The following MECOM variants were observed in gnomAD, a reference collection of about 807,000 sequenced individuals.
MECOM encodes histone-lysine N-methyltransferase MECOM.
Under a neutral mutation model 116.3 loss-of-function variants are expected in MECOM, and 13 were observed. The ratio of observed to expected loss-of-function variants is 0.11; its 90% confidence interval spans 0.07 to 0.18. The LOEUF (loss-of-function observed/expected upper bound fraction) is 0.18. Among genes scored for constraint, MECOM ranks in the 10% least tolerant of loss-of-function variants. The pLI, the probability that MECOM is intolerant of heterozygous loss-of-function variation, is 1.00. For synonymous variants in MECOM, 528 were observed against 535.2 expected (o/e 0.99, Z 0.19); for missense variants, 1,299 against 1,509.0 (o/e 0.86, Z 2.31).
intron 2 of MECOM, among the ~76,000 whole-genome samples, chr3:169,300,687 C>T (rs2149712093): frequency 6.6e-6 from 1 of 152,310 alleles, no homozygotes; most frequent in Admixed American, 6.5e-5. Context: ...GATCTCACTT[C>T]TTGCTATCTT....
intron 3 of MECOM, among the ~76,000 whole-genome samples, chr3:169,139,013 A>T (rs932042213): frequency 2.0e-5 from 3 of 152,104 alleles, no homozygotes; most frequent in African/African-American, 7.2e-5. Context: ...GAAGCAGTTA[A>T]AACTTTATAA....
At chr3:169,577,476 T>TTTA (rs930298612) in intron 1 of MECOM, among the ~76,000 whole-genome samples, 1 of 150,310 alleles carries the variant, frequency 6.7e-6, no homozygotes, top group African/African-American at 2.4e-5. Flanking sequence ...AAGTTGCCTT[T>TTTA]TTTTTTTTTT....
At chr3:169,661,062 G>A (rs1033838254) in intron 1 of MECOM, among the ~76,000 whole-genome samples, 2 of 152,212 alleles carry the variant, frequency 1.3e-5, no homozygotes, top group African/African-American at 4.8e-5. Context: ...ACGAGGCTCA[G>A]TTTCTGGATG....
intron 2 of MECOM, among the ~76,000 whole-genome samples, chr3:169,209,761 G>A (rs529598578): frequency 6.6e-6 from 1 of 152,336 alleles, no homozygotes; most frequent in African/African-American, 2.4e-5. Context: ...TGGTGGGAAT[G>A]TAAATTAGTG....
intron 3 of MECOM, among the ~76,000 whole-genome samples, chr3:169,143,480 G>C (rs938588965): frequency 6.6e-6 from 1 of 152,028 alleles, no homozygotes; most frequent in Non-Finnish European, 1.5e-5. Context: ...ATTTATGAAG[G>C]ATACTAGTAC....
Position 169,127,259 on chromosome 3 carries a change from G to A in MECOM, c.830+585C>T, listed in dbSNP as rs553814996. 2.2e-4 allele frequency among the ~76,000 whole-genome samples: 33 copies of A among 152,140 alleles called. No homozygotes were observed. The South Asian group carries it at 3.1e-3, about 14-fold the overall frequency. ...ATGTCACTGAAATATAATTTTTATT[G>A]TGTTAAAAATAAGTGTTAAAGAATT... On this transcript the variant is annotated intron_variant, in intron 5 of 16. Transcript: ENST00000651503.
chr3:169,283,362 A>T (rs1304494442), intron 2 of MECOM, among the ~76,000 whole-genome samples: 2 of 151,870 alleles, frequency 1.3e-5, no homozygotes, highest in Non-Finnish European at 2.9e-5. Context: ...AATTAACTGG[A>T]TGTGGCAGCA....
intron 2 of MECOM, among the ~76,000 whole-genome samples, chr3:169,275,771 A>G (rs2149667559): frequency 6.6e-6 from 1 of 152,322 alleles, no homozygotes; most frequent in African/African-American, 2.4e-5. Context: ...TGGACACAAT[A>G]CCAGTTCTCA....
chr3:169,655,282 C>T (rs943283577), intron 1 of MECOM, among the ~76,000 whole-genome samples: 2 of 152,134 alleles, frequency 1.3e-5, no homozygotes, highest in Non-Finnish European at 1.5e-5. Flanking sequence ...TAGGAGAGAG[C>T]TTAAGGCTTA....
intron 3 of MECOM, 36 bp from the exon 4 acceptor site, chr3:169,131,567 A>G: frequency 6.6e-7 from 1 of 1,523,264 alleles, no homozygotes; most frequent in Non-Finnish European, 9.0e-7. Flanking sequence ...GGAATCAGGA[A>G]AGAGAGAGAT....
At chr3:169,338,982 G>T (rs763661591) in intron 2 of MECOM, among the ~76,000 whole-genome samples, 5 of 151,918 alleles carry the variant, frequency 3.3e-5, no homozygotes, top group Non-Finnish European at 5.9e-5. Flanking sequence ...TGTTTTTATG[G>T]CACTATGAGA....
chr3:169,305,553 C>G (rs1458412392), intron 2 of MECOM, among the ~76,000 whole-genome samples: 2 of 152,138 alleles, frequency 1.3e-5, no homozygotes, highest in Non-Finnish European at 2.9e-5. Context: ...CCAGGGCTTC[C>G]AAGATAATGG....
At chr3:169,128,912 T>A (rs928862583) in intron 4 of MECOM, among the ~76,000 whole-genome samples, 1 of 152,158 alleles carries the variant, frequency 6.6e-6, no homozygotes, top group Non-Finnish European at 1.5e-5. Context: ...AAAGCCACAC[T>A]CCGCACAGAT....
In MECOM at chr3:169,127,901, T is replaced by C. The variant is rs1733432186; in HGVS notation, c.773A>G (p.Glu258Gly). The stretch of plus-strand genomic sequence containing the variant: ...CTTACACTCCTGGATCGTGTGTATC[T>C]CTTGGAGATCATTCTCGCTTTCGAG... Reference protein sequence around the residue: ...QKLESENDLQEIHTIQECKEC... With the variant: ...QKLESENDLQGIHTIQECKEC... The change falls in exon 5 of 17, where the codon GAG (glutamate) becomes GGG (glycine). Residue 258 changes from glutamate to glycine, a missense_variant. By Grantham distance (98) the Glu-to-Gly change is moderately conservative. This residue lies in a region of MECOM where 374 missense variants were observed against 433.4 expected (regional missense o/e 0.86). Coordinates refer to ENST00000651503, the MANE Select transcript of MECOM (RefSeq NM_004991.4). The C allele has an allele frequency of 6.2e-7, 1 of 1,614,114 alleles. No homozygotes were observed.
rs2148891037 is a variant in MECOM at position 169,095,190 on chromosome 3, G to A, written c.2905C>T (p.Arg969Cys). 6.2e-7 allele frequency: 1 copy of A among 1,613,284 alleles called. No individual in the cohort carries two copies. Among genetic ancestry groups the A allele is most frequent in the Non-Finnish European group, 8.5e-7 (1 of 1,179,670 alleles). Residue 969 changes from arginine to cysteine, a missense_variant, in exon 13 of 17, where the codon CGC becomes TGC. Transcript: ENST00000651503. ...GGCTTCTCTTTATTGTGGATGTTGCGAACATGCCTTTGCAAGTTAGAAGAT... is the reference window on the plus strand; with the variant it reads ...GGCTTCTCTTTATTGTGGATGTTGCAAACATGCCTTTGCAAGTTAGAAGAT... ...SISSNLQRHVRNIHNKEKPFK... is the reference protein window; with the variant it reads ...SISSNLQRHVCNIHNKEKPFK...
chr3:169,211,703 A>G (rs968685868), intron 2 of MECOM, among the ~76,000 whole-genome samples: 2 of 151,940 alleles, frequency 1.3e-5, no homozygotes, highest in Non-Finnish European at 2.9e-5. Context: ...CTCTTTCTGC[A>G]CTGTCTTATT....
At chr3:169,185,362 G>A (rs990194112) in intron 2 of MECOM, among the ~76,000 whole-genome samples, 2 of 152,150 alleles carry the variant, frequency 1.3e-5, no homozygotes, top group Non-Finnish European at 2.9e-5. Context: ...AGGACATAGA[G>A]TCCAAGAGGC....
intron 1 of MECOM, among the ~76,000 whole-genome samples, chr3:169,645,081 C>A (rs1223515391): frequency 6.6e-6 from 1 of 152,160 alleles, no homozygotes; most frequent in Non-Finnish European, 1.5e-5. Context: ...CAAATGTACA[C>A]TCAGGTGCAA....
At chr3:169,405,809 G>T (rs951799797) in intron 1 of MECOM, among the ~76,000 whole-genome samples, 1 of 152,154 alleles carries the variant, frequency 6.6e-6, no homozygotes, top group East Asian at 1.9e-4. Context: ...GAAAAAGGGT[G>T]GTTGTACTTC....
Sources: gnomAD v4.1 joint callset for allele counts (sites outside exome capture counted in the v4.1 genomes callset) on GRCh38, gnomAD v4.1.1 for gene constraint, gnomAD v4.1.1 regional missense constraint, MANE v1.5 for transcripts, NCBI Gene and HGNC (gene_info 2026-07-23, HGNC 2026-07-21) for gene names.